Variants in PLEKHA2 observed in about 807,000 individuals in gnomAD.
PLEKHA2 encodes the protein pleckstrin homology domain containing A2.
PLEKHA2 carries 28 observed loss-of-function variants against 53.2 expected under a neutral mutation model. That is an observed-to-expected ratio of 0.53 (90% confidence interval 0.39 to 0.72). The LOEUF (loss-of-function observed/expected upper bound fraction) is 0.72, where lower values mean the gene tolerates loss of function less well. Among genes scored for constraint, PLEKHA2 ranks in the 30% least tolerant of loss-of-function variants. The probability of loss-of-function intolerance (pLI) is 0.00; values close to 1 mark genes in which losing one functional copy is unlikely to be tolerated. For missense variants in PLEKHA2, 426 were observed against 537.9 expected, an observed-to-expected ratio of 0.79 and a Z score of 2.06; for synonymous variants, 193 against 196.4, an observed-to-expected ratio of 0.98 and a Z score of 0.14.
chr8:38,908,291 A>G (rs1424772339), intron 1 of PLEKHA2, among the ~76,000 whole-genome samples: 1 of 152,230 alleles, frequency 6.6e-6, no homozygotes, highest in African/African-American at 2.4e-5. Context: ...CGAAGTAAGA[A>G]ACCCAAACAG....
At chr8:38,927,487 C>A (rs1048952715) in intron 2 of PLEKHA2, among the ~76,000 whole-genome samples, 1 of 152,090 alleles carries the variant, frequency 6.6e-6, no homozygotes, top group East Asian at 1.9e-4. Context: ...GCCTGAGTTA[C>A]AGAGCAAGAC....
At chr8:38,911,488 C>T (rs1360917477) in intron 1 of PLEKHA2, among the ~76,000 whole-genome samples, 2 of 152,216 alleles carry the variant, frequency 1.3e-5, no homozygotes, top group South Asian at 2.1e-4. Context: ...CCACCTGCTT[C>T]GGCCTCCCAA....
Position 38,950,863 on chromosome 8 carries a change from G to A in PLEKHA2, c.359G>A (p.Gly120Glu), listed in dbSNP as rs775046788. The A allele has an allele frequency of 6.2e-7, 1 of 1,613,484 alleles. No individual in the cohort carries two copies. Among genetic ancestry groups the A allele is most frequent in the Non-Finnish European group, 8.5e-7 (1 of 1,179,686 alleles). ...CGCTCACCCCAGGTTCCCAAAGGTG[G>A]GGGCCTACCCATGACCACTGAAGTT... is the stretch of plus-strand genomic sequence containing the variant. ...QASKITVPKGGGLPMTTEVLK... is the reference protein window; with the variant it reads ...QASKITVPKGEGLPMTTEVLK... The change falls in exon 6 of 12, where the codon GGG becomes GAG. Residue 120 changes from glycine (G) to glutamate (E), a missense_variant. Coordinates refer to ENST00000617275, the MANE Select transcript of PLEKHA2 (RefSeq NM_021623.2).
chr8:38,924,026 AT>A (rs1834239365), intron 2 of PLEKHA2, among the ~76,000 whole-genome samples: 1 of 151,804 alleles, frequency 6.6e-6, no homozygotes, highest in African/African-American at 2.4e-5. Context: ...TACTTTTTGT[AT>A]TTTATTAGAG....
intron 1 of PLEKHA2, among the ~76,000 whole-genome samples, chr8:38,905,979 C>T (rs993268183): frequency 5.3e-5 from 8 of 152,230 alleles, no homozygotes; most frequent in African/African-American, 1.2e-4. Context: ...CCACTGTGCC[C>T]GGCCAGGAGA....
chr8:38,906,087 C>A (rs1417582769), intron 1 of PLEKHA2, among the ~76,000 whole-genome samples: 1 of 152,258 alleles, frequency 6.6e-6, no homozygotes, highest in Admixed American at 6.5e-5. Flanking sequence ...CCAGGACTCG[C>A]AGCTGTTGTT....
At chr8:38,939,538 C>A (rs1834560667) in intron 3 of PLEKHA2, among the ~76,000 whole-genome samples, 2 of 152,190 alleles carry the variant, frequency 1.3e-5, no homozygotes, top group African/African-American at 2.4e-5. Flanking sequence ...GGAAAGCAAA[C>A]AAACAAACCC....
At position 38,952,168 on chromosome 8, in the gene PLEKHA2, C is replaced by T. The variant is rs533387323; in HGVS notation, c.489C>T (p.Asn163=). The change falls in exon 7 of 12, where the codon AAC becomes AAT. Residue 163 remains asparagine, a splice_region_variant and synonymous_variant. Coordinates refer to ENST00000617275, the MANE Select transcript of PLEKHA2 (RefSeq NM_021623.2). ...GVVVHTPISQ[N]GGDGQEGSEP... ...ATACTGACACTGTTTCCTTGCAGAA[C>T]GGTGGGGATGGGCAGGAAGGGAGTG... is the stretch of plus-strand genomic sequence containing the variant. The T allele has an allele frequency of 3.3e-5, 54 of 1,612,368 alleles. 1 individual carries two copies. Among genetic ancestry groups the T allele is most frequent in the South Asian group, 2.1e-4 (19 of 90,602 alleles).
rs1835218269 is a variant in PLEKHA2 at position 38,970,007 on chromosome 8, G to T, written c.*224G>T. 1.6e-6 allele frequency: 1 copy of T among 644,016 alleles called. No homozygotes were observed. The highest frequency in any genetic ancestry group is 2.6e-6 in the Non-Finnish European group (1 of 384,246). The allele number at this position is 644,016 out of a possible 1,614,324, so 39.9% of individuals were successfully genotyped here. ...ATCAACGCAGTGTATTTAATTTGGG[G>T]AAGTCACTAGGTTAGAACTGTAGGC... On this transcript the variant is annotated 3_prime_UTR_variant, in exon 12 of 12. Coordinates refer to ENST00000617275, the MANE Select transcript of PLEKHA2 (RefSeq NM_021623.2).
intron 10 of PLEKHA2, among the ~76,000 whole-genome samples, chr8:38,967,336 T>C (rs772806938): frequency 1.3e-5 from 2 of 152,232 alleles, no homozygotes; most frequent in Non-Finnish European, 1.5e-5. Context: ...CATGTGAAGA[T>C]ATAATGATTT....
At chr8:38,914,377 A>G (rs1308146337) in intron 1 of PLEKHA2, among the ~76,000 whole-genome samples, 3 of 152,092 alleles carry the variant, frequency 2.0e-5, no homozygotes, top group Admixed American at 6.5e-5. Context: ...CGCCACCCTT[A>G]CTATTAGCCT....
At chr8:38,948,860 C>T (rs1018440302) in intron 5 of PLEKHA2, among the ~76,000 whole-genome samples, 1 of 151,660 alleles carries the variant, frequency 6.6e-6, no homozygotes, top group African/African-American at 2.4e-5. Flanking sequence ...AGTAGACATT[C>T]AGCTGTTTTT....
chr8:38,912,886 C>T (rs1169412023), intron 1 of PLEKHA2, among the ~76,000 whole-genome samples: 1 of 152,190 alleles, frequency 6.6e-6, no homozygotes, highest in African/African-American at 2.4e-5. Context: ...GACTCAGCTG[C>T]TTCTCGGGAC....
intron 10 of PLEKHA2, among the ~76,000 whole-genome samples, chr8:38,961,599 A>C (rs191787172): frequency 1.3e-5 from 2 of 152,272 alleles, no homozygotes. Flanking sequence ...GAATATGCCT[A>C]CTGGTAGAGC....
chr8:38,923,084 G>A (rs1564115156), intron 2 of PLEKHA2, among the ~76,000 whole-genome samples: 1 of 152,170 alleles, frequency 6.6e-6, no homozygotes, highest in Non-Finnish European at 1.5e-5. Flanking sequence ...AATAATCCTG[G>A]CAAATCATTA....
chr8:38,911,963 G>A (rs957892796), intron 1 of PLEKHA2, among the ~76,000 whole-genome samples: 1 of 149,154 alleles, frequency 6.7e-6, no homozygotes, highest in African/African-American at 2.5e-5. Flanking sequence ...GCAACAGAGT[G>A]TGACCAGGTC....
chr8:38,910,561 G>A lies in PLEKHA2; in HGVS notation c.-23-7346G>A, dbSNP rs75478951. The stretch of plus-strand genomic sequence containing the variant: ...TAATGAGAACATTCAATATATGTAA[G>A]ATTATAGTGATGATAACAATATATT... On this transcript the variant is annotated intron_variant, in intron 1 of 11. Coordinates refer to ENST00000617275, the MANE Select transcript of PLEKHA2 (RefSeq NM_021623.2). Among the ~76,000 whole-genome samples the A allele has an allele frequency of 2.3e-3, 345 of 152,272 alleles. 6 individuals carry two copies. Among genetic ancestry groups the A allele is most frequent in the Admixed American group, 0.018 (280 of 15,292 alleles).
chr8:38,946,223 T>C lies in PLEKHA2; in HGVS notation c.345+2T>C, dbSNP rs2129421193. On this transcript the variant is annotated splice_donor_variant, in intron 5 of 11. Transcript: ENST00000617275. LOFTEE classifies it high-confidence loss of function. ...CTGAACCAAGCCAGCAAGATCACCG[T>C]AAGTTTGGTTTCTTCTGTTTTCTGG... 1 of 1,593,936 alleles carries C rather than the reference T, an allele frequency of 6.3e-7. No individual in the cohort carries two copies. The highest frequency in any genetic ancestry group is 8.6e-7 in the Non-Finnish European group (1 of 1,169,288).
At chr8:38,923,970 G>C (rs112290673) in intron 2 of PLEKHA2, among the ~76,000 whole-genome samples, 1,628 of 152,216 alleles carry the variant, frequency 0.011, 26 homozygotes, top group African/African-American at 0.038. Flanking sequence ...TCGTGCCTCA[G>C]CCTCCCAAGT....
Sources: gnomAD v4.1 joint callset for allele counts (sites outside exome capture counted in the v4.1 genomes callset) on GRCh38, gnomAD v4.1.1 for gene constraint, MANE v1.5 for transcripts, NCBI Gene and HGNC (gene_info 2026-07-23, HGNC 2026-07-21) for gene names.